The following ZYG11A variants were observed in gnomAD, a reference collection of about 807,000 sequenced individuals.
The protein encoded by ZYG11A is protein zyg-11 homolog A.
A neutral mutation model predicts 77.2 loss-of-function variants in ZYG11A; 62 were observed. The ratio of observed to expected loss-of-function variants is 0.80; its 90% CI spans 0.65 to 0.99. The LOEUF (loss-of-function observed/expected upper bound fraction) is 0.99, where lower values mean the gene tolerates loss of function less well. Ranked by LOEUF, ZYG11A falls within the 50% of genes least tolerant of loss-of-function variation. ZYG11A has a pLI of 0.00. For missense variants in ZYG11A, 828 were observed against 896.8 expected, an observed-to-expected ratio of 0.92 and a Z score of 0.98; for synonymous variants, 315 against 324.6, an observed-to-expected ratio of 0.97 and a Z score of 0.32.
chr1:52,869,821 C>T (rs1363016379), intron 8 of ZYG11A, among the ~76,000 whole-genome samples: 3 of 151,434 alleles, frequency 2.0e-5, no homozygotes, highest in African/African-American at 7.3e-5. Flanking sequence ...GTAGGGGCGG[C>T]CGGGCAGAGG....
intron 13 of ZYG11A, among the ~76,000 whole-genome samples, chr1:52,890,675 C>T (rs1201196165): frequency 3.3e-5 from 5 of 151,840 alleles, no homozygotes; most frequent in African/African-American, 1.2e-4. Context: ...GGCACAGTCA[C>T]AGCTCACTGC....
At chr1:52,892,494 C>T (rs1646561989) in intron 13 of ZYG11A, among the ~76,000 whole-genome samples, 1 of 151,256 alleles carries the variant, frequency 6.6e-6, no homozygotes. Flanking sequence ...CGCCACTGCA[C>T]TCCAGCCTGG....
In ZYG11A at chr1:52,867,778, G is replaced by T. The variant is rs1165631326; in HGVS notation, c.1542+1G>T. On this transcript the variant is annotated splice_donor_variant, in intron 8 of 13. Transcript: ENST00000371528. LOFTEE classifies it high-confidence loss of function. The stretch of plus-strand genomic sequence containing the variant: ...TGAAGAGCTTTTCATGGCAGTTAAG[G>T]TAGGTTCCTTGTCATGTTCATAACC... 2.6e-6 allele frequency: 4 copies of T among 1,550,966 alleles called. No homozygotes were observed. In the East Asian group the frequency reaches 7.3e-5, roughly 28 times the overall value.
At chr1:52,859,502 A>T (rs1427449179) in intron 3 of ZYG11A, among the ~76,000 whole-genome samples, 2 of 148,912 alleles carry the variant, frequency 1.3e-5, no homozygotes, top group African/African-American at 5.0e-5. Flanking sequence ...CGCCTGGCTA[A>T]TTTTTTGTAT....
chr1:52,877,324 A>G (rs1646279001), intron 8 of ZYG11A, among the ~76,000 whole-genome samples: 1 of 152,198 alleles, frequency 6.6e-6, no homozygotes, highest in African/African-American at 2.4e-5. Context: ...AGAAAAGCCA[A>G]CTTTTGTTCT....
chr1:52,883,343 A>G (rs1296508092), intron 11 of ZYG11A, among the ~76,000 whole-genome samples: 1 of 151,988 alleles, frequency 6.6e-6, no homozygotes, highest in Non-Finnish European at 1.5e-5. Flanking sequence ...AAGCTGGTCT[A>G]GAACTCCTGA....
intron 5 of ZYG11A, 33 bp downstream of exon 5, chr1:52,864,190 TTTG>T: frequency 1.3e-5 from 20 of 1,543,668 alleles, no homozygotes; most frequent in Non-Finnish European, 1.7e-5. Flanking sequence ...TTGTGCTTTT[TTTG>T]TTGTTGTTAA....
intron 8 of ZYG11A, among the ~76,000 whole-genome samples, chr1:52,876,551 T>C (rs1476540241): frequency 6.6e-6 from 1 of 152,130 alleles, no homozygotes; most frequent in Non-Finnish European, 1.5e-5. Context: ...TGCACAGTTA[T>C]TTTGAGTATC....
At chr1:52,871,716 A>C (rs765134200) in intron 8 of ZYG11A, among the ~76,000 whole-genome samples, 2 of 152,092 alleles carry the variant, frequency 1.3e-5, no homozygotes, top group Non-Finnish European at 2.9e-5. Context: ...ATCAATACTT[A>C]AATATTTAAG....
intron 1 of ZYG11A, among the ~76,000 whole-genome samples, chr1:52,847,876 ATTTATTT>A (rs202063821): frequency 0.44 from 49,104 of 111,516 alleles, 10,639 homozygotes; most frequent in Non-Finnish European, 0.54. Context: ...TTATTTATTT[ATTTATTT>A]TTTTGAGATG....
Position 52,893,341 on chromosome 1 carries a change from T to C in ZYG11A, c.*384T>C, listed in dbSNP as rs958255074. On this transcript the variant is annotated 3_prime_UTR_variant, in exon 14 of 14. Coordinates refer to ENST00000371528, the MANE Select transcript of ZYG11A (RefSeq NM_001004339.3). ...ACCTACAGGGAGACTTTGATATTTA[T>C]ATTAAATTTCCTTTGTTGTTATCGT... 1.2e-5 allele frequency: 2 copies of C among 163,868 alleles called. No homozygotes were observed. Among genetic ancestry groups the C allele is most frequent in the South Asian group, 1.7e-4 (1 of 5,850 alleles). 10.2% of individuals were successfully genotyped at this position (163,868 alleles called of 1,614,324 possible).
intron 13 of ZYG11A, among the ~76,000 whole-genome samples, chr1:52,890,565 G>C (rs1399154998): frequency 6.6e-6 from 1 of 151,150 alleles, no homozygotes; most frequent in Non-Finnish European, 1.5e-5. Context: ...TGCTGTTGGG[G>C]TCTACTGTCA....
In ZYG11A at chr1:52,887,010, G is replaced by C. The variant is rs780144814; in HGVS notation, c.2061G>C (p.Gln687His). The C allele has an allele frequency of 5.8e-6, 9 of 1,549,546 alleles. No individual in the cohort carries two copies. Among genetic ancestry groups the C allele is most frequent in the Non-Finnish European group, 7.9e-6 (9 of 1,145,694 alleles). Residue 687 changes from glutamine to histidine, a missense_variant, in exon 13 of 14, where the codon CAG (glutamine) becomes CAC (histidine). By Grantham distance (24) the Gln-to-His change is conservative. Coordinates refer to ENST00000371528, the MANE Select transcript of ZYG11A (RefSeq NM_001004339.3). Reference sequence around the variant, plus strand: ...GCAACTTCTCTCAACCAGAGGTTCAGCTCTGGGCACTATGGGCTATGTATC... The same window carrying C: ...GCAACTTCTCTCAACCAGAGGTTCACCTCTGGGCACTATGGGCTATGTATC... ...LLGNFSQPEVQLWALWAMYHV... is the reference protein window; with the variant it reads ...LLGNFSQPEVHLWALWAMYHV...
chr1:52,885,971 C>A lies in ZYG11A; in HGVS notation c.2006+77C>A. Reference sequence around the variant, plus strand: ...TTTTTGAGACAGAGTCTTGCTCAGTCGCCCAGGCTGGAGTGCAGTGGCACA... The same window carrying A: ...TTTTTGAGACAGAGTCTTGCTCAGTAGCCCAGGCTGGAGTGCAGTGGCACA... On this transcript the variant is annotated intron_variant, in intron 12 of 13. Coordinates refer to ENST00000371528, the MANE Select transcript of ZYG11A (RefSeq NM_001004339.3). The A allele has an allele frequency of 2.5e-6, 3 of 1,199,058 alleles. No homozygotes were observed. In the South Asian group the frequency reaches 4.8e-5, roughly 19 times the overall value. The allele number at this position is 1,199,058 out of a possible 1,614,324, so 74.3% of individuals were successfully genotyped here.
chr1:52,883,428 T>TA (rs1415286866), intron 11 of ZYG11A, among the ~76,000 whole-genome samples: 7 of 149,240 alleles, frequency 4.7e-5, no homozygotes, highest in Non-Finnish European at 1.0e-4. Context: ...CTGGCCAATT[T>TA]AAAAAAAAGA....
At chr1:52,853,584 C>T (rs1206105263) in intron 1 of ZYG11A, among the ~76,000 whole-genome samples, 2 of 152,118 alleles carry the variant, frequency 1.3e-5, no homozygotes, top group African/African-American at 4.8e-5. Flanking sequence ...CAGTGGCTAG[C>T]ACAGAACAGG....
intron 10 of ZYG11A, among the ~76,000 whole-genome samples, chr1:52,880,321 G>C (rs1646342903): frequency 6.6e-6 from 1 of 152,098 alleles, no homozygotes; most frequent in Non-Finnish European, 1.5e-5. Context: ...AGTGTCTAGA[G>C]TGTGCTTTCC....
At chr1:52,865,938 T>G (rs1011669835) in intron 5 of ZYG11A, among the ~76,000 whole-genome samples, 2 of 145,078 alleles carry the variant, frequency 1.4e-5, no homozygotes, top group African/African-American at 5.1e-5. Flanking sequence ...AGGGAGTTTT[T>G]TTTTTTTTTT....
Position 52,857,529 on chromosome 1 carries a change from T to C in ZYG11A, c.788T>C (p.Ile263Thr), listed in dbSNP as rs1310783300. Residue 263 changes from isoleucine (I) to threonine (T), a missense_variant, in exon 3 of 14, where the codon ATT (isoleucine) becomes ACT (threonine). Physicochemically the swap from Ile to Thr is moderately conservative, Grantham distance 89. Coordinates refer to ENST00000371528, the MANE Select transcript of ZYG11A (RefSeq NM_001004339.3). ...RELKCLLHLD[I>T]SDHRQLKSDL... Reference sequence around the variant, plus strand: ...CTTAAATGTCTGCTTCACCTTGATATTTCTGATCACAGGCAACTCAAATCA... The same window carrying C: ...CTTAAATGTCTGCTTCACCTTGATACTTCTGATCACAGGCAACTCAAATCA... The C allele has an allele frequency of 1.9e-6, 3 of 1,552,162 alleles. No homozygotes were observed. Among genetic ancestry groups the C allele is most frequent in the South Asian group, 2.4e-5 (2 of 84,060 alleles).
Sources: gnomAD v4.1 joint callset for allele counts (sites outside exome capture counted in the v4.1 genomes callset) on GRCh38, gnomAD v4.1.1 for gene constraint, MANE v1.5 for transcripts, NCBI Gene and HGNC (gene_info 2026-07-23, HGNC 2026-07-21) for gene names.